Variants in COL23A1 observed in about 807,000 individuals in gnomAD.
COL23A1 encodes collagen alpha-1(XXIII) chain.
COL23A1 carries 97 observed loss-of-function variants against 99.3 expected under a neutral mutation model. The ratio of observed to expected loss-of-function variants is 0.98; its 90% CI spans 0.83 to 1.16. COL23A1 has a LOEUF of 1.16. Ranked by LOEUF, COL23A1 falls within the 50% of genes most tolerant of loss-of-function variation. The pLI, the probability that COL23A1 is intolerant of heterozygous loss-of-function variation, is 0.00. For synonymous variants in COL23A1, 320 were observed against 308.2 expected (o/e 1.04, Z -0.40); for missense variants, 762 against 757.4 (o/e 1.01, Z -0.07).
At position 178,261,802 on chromosome 5, in the gene COL23A1, C is replaced by T. The variant is rs568561966; in HGVS notation, c.676-54G>A. ...TGTCATACTGGAGGCTGCTCCTGGG[C>T]CTGTCCTTCTTAGCATCCTGGCTTT... On this transcript the variant is annotated intron_variant, in intron 10 of 28. Coordinates refer to ENST00000390654, the MANE Select transcript of COL23A1 (RefSeq NM_173465.4). 43 of 1,438,050 alleles carry T rather than the reference C, an allele frequency of 3.0e-5. No homozygotes were observed. In the East Asian group the frequency reaches 9.5e-4, roughly 32 times the overall value. 89.1% of individuals were successfully genotyped at this position (1,438,050 alleles called of 1,614,324 possible).
At chr5:178,567,490 C>G (rs916273604) in intron 1 of COL23A1, among the ~76,000 whole-genome samples, 3 of 152,152 alleles carry the variant, frequency 2.0e-5, no homozygotes, top group African/African-American at 7.2e-5. Context: ...CGCCTGTAAT[C>G]CCAGCAATTT....
chr5:178,422,143 C>A (rs892644095), intron 2 of COL23A1, among the ~76,000 whole-genome samples: 8 of 152,174 alleles, frequency 5.3e-5, no homozygotes, highest in African/African-American at 1.9e-4. Flanking sequence ...CATCTCCAAG[C>A]AAGATTTTGA....
chr5:178,454,871 G>C (rs1767680035), intron 2 of COL23A1, among the ~76,000 whole-genome samples: 1 of 152,260 alleles, frequency 6.6e-6, no homozygotes, highest in African/African-American at 2.4e-5. Flanking sequence ...TTCTCTCTCA[G>C]TTCTGGAGGC....
At chr5:178,417,371 G>A (rs192895882) in intron 2 of COL23A1, among the ~76,000 whole-genome samples, 1 of 152,330 alleles carries the variant, frequency 6.6e-6, no homozygotes, top group Admixed American at 6.5e-5. Flanking sequence ...ACGCCAAGAA[G>A]TCCTGCCTTC....
chr5:178,324,761 C>T lies in COL23A1; in HGVS notation c.362-17842G>A, dbSNP rs545955392. On this transcript the variant is annotated intron_variant, in intron 2 of 28. Transcript: ENST00000390654. Reference sequence around the variant, plus strand: ...CTCACCAGTTCTAACGGAAATGGGTCGAATGGCCAGAACCAAGGTCCTCTC... The same window carrying T: ...CTCACCAGTTCTAACGGAAATGGGTTGAATGGCCAGAACCAAGGTCCTCTC... Among the ~76,000 whole-genome samples the T allele has an allele frequency of 1.4e-4, 21 of 152,282 alleles. No individual in the cohort carries two copies. In the South Asian group the frequency reaches 2.5e-3, roughly 18 times the overall value.
At chr5:178,402,500 T>C (rs1378729282) in intron 2 of COL23A1, among the ~76,000 whole-genome samples, 1 of 152,194 alleles carries the variant, frequency 6.6e-6, no homozygotes, top group East Asian at 1.9e-4. Flanking sequence ...AATAGATCAG[T>C]AGAGTGACTA....
intron 2 of COL23A1, among the ~76,000 whole-genome samples, chr5:178,420,008 C>G (rs558023269): frequency 6.6e-6 from 1 of 152,312 alleles, no homozygotes; most frequent in South Asian, 2.1e-4. Context: ...CTGGAGGCTG[C>G]TGGATTCACA....
In COL23A1 at chr5:178,392,355, T is replaced by A. The variant is rs545319189; in HGVS notation, c.362-85436A>T. 1.4e-4 allele frequency among the ~76,000 whole-genome samples: 22 copies of A among 152,306 alleles called. 1 individual carries two copies. In the South Asian group the frequency reaches 3.3e-3, roughly 23 times the overall value. The stretch of plus-strand genomic sequence containing the variant: ...TCGGAGCACACTCACCTTATTTATA[T>A]CTTTCAAACAATGCACCTACTGCAT... On this transcript the variant is annotated intron_variant, in intron 2 of 28. Transcript: ENST00000390654.
At chr5:178,350,833 A>G (rs1355918321) in intron 2 of COL23A1, 1 of 152,440 alleles carries the variant, frequency 6.6e-6, no homozygotes, top group Non-Finnish European at 1.5e-5. Flanking sequence ...TGCAGCACGC[A>G]AGCCTCTCTT....
At chr5:178,503,105 G>C (rs1043215996) in intron 2 of COL23A1, among the ~76,000 whole-genome samples, 8 of 152,244 alleles carry the variant, frequency 5.3e-5, no homozygotes, top group African/African-American at 1.7e-4. Flanking sequence ...ATGCTGGCCA[G>C]ACACAGTGGC....
At chr5:178,302,391 C>T (rs111842173) in intron 3 of COL23A1, among the ~76,000 whole-genome samples, 4,267 of 125,730 alleles carry the variant, frequency 0.034, 537 homozygotes, top group Middle Eastern at 0.078. Flanking sequence ...GTGTGTGCGC[C>T]GGAGCACGGC....
At chr5:178,553,442 A>G (rs941792779) in intron 2 of COL23A1, among the ~76,000 whole-genome samples, 5 of 152,250 alleles carry the variant, frequency 3.3e-5, no homozygotes, top group African/African-American at 9.6e-5. Flanking sequence ...GACTTGCATT[A>G]AACTCTGGAT....
chr5:178,337,122 G>A (rs1760374660), intron 2 of COL23A1, among the ~76,000 whole-genome samples: 1 of 152,262 alleles, frequency 6.6e-6, no homozygotes, highest in Admixed American at 6.5e-5. Context: ...GGAATGTGCA[G>A]CATGGAAGTT....
chr5:178,469,713 G>T (rs1026513457), intron 2 of COL23A1, among the ~76,000 whole-genome samples: 3 of 152,118 alleles, frequency 2.0e-5, no homozygotes, highest in African/African-American at 7.2e-5. Context: ...CGTCCTGTCT[G>T]CAGAGCCATC....
chr5:178,438,645 G>T (rs1170571582), intron 2 of COL23A1: 1 of 152,088 alleles, frequency 6.6e-6, no homozygotes, highest in African/African-American at 2.4e-5. Context: ...ACGTGCAGTG[G>T]AATCTGGTTT....
chr5:178,462,929 G>C (rs1294924658), intron 2 of COL23A1, among the ~76,000 whole-genome samples: 1 of 152,246 alleles, frequency 6.6e-6, no homozygotes, highest in Non-Finnish European at 1.5e-5. Flanking sequence ...GAGGAGGAGA[G>C]AAACAGGAAG....
At chr5:178,556,751 G>T (rs1435446932) in intron 2 of COL23A1, among the ~76,000 whole-genome samples, 1 of 151,780 alleles carries the variant, frequency 6.6e-6, no homozygotes, top group Non-Finnish European at 1.5e-5. Context: ...TCAGGAGTTG[G>T]AGACCAGCCT....
intron 2 of COL23A1, among the ~76,000 whole-genome samples, chr5:178,517,873 C>CTT (rs71577021): frequency 1.5e-4 from 15 of 97,734 alleles, no homozygotes; most frequent in African/African-American, 4.4e-4. Context: ...AACAGCGGTT[C>CTT]TTTTTTTTTT....
intron 2 of COL23A1, among the ~76,000 whole-genome samples, chr5:178,554,695 G>T (rs1228694147): frequency 6.6e-6 from 1 of 151,896 alleles, no homozygotes; most frequent in Non-Finnish European, 1.5e-5. Context: ...CCCCCACTTT[G>T]TCTCCCCTGG....
Sources: gnomAD v4.1 joint callset for allele counts (sites outside exome capture counted in the v4.1 genomes callset) on GRCh38, gnomAD v4.1.1 for gene constraint, MANE v1.5 for transcripts, NCBI Gene and HGNC (gene_info 2026-07-23, HGNC 2026-07-21) for gene names.